NFATC2: variants seen among roughly 807,000 people sequenced by gnomAD.
The protein encoded by NFATC2 is nuclear factor of activated T cells 2.
Under a neutral mutation model 87.3 loss-of-function variants are expected in NFATC2, and 22 were observed. That is an observed-to-expected ratio of 0.25 (90% confidence interval 0.18 to 0.36). The LOEUF is 0.36. Ranked by LOEUF, NFATC2 falls within the 10% of genes least tolerant of loss-of-function variation. The pLI, the probability that NFATC2 is intolerant of heterozygous loss-of-function variation, is 1.00. For missense variants in NFATC2, 1,149 were observed against 1,259.1 expected, an observed-to-expected ratio of 0.91 and a Z score of 1.32; for synonymous variants, 565 against 542.2, an observed-to-expected ratio of 1.04 and a Z score of -0.58.
At chr20:51,557,153 G>A (rs2059929798) in intron 1 of NFATC2, among the ~76,000 whole-genome samples, 1 of 152,140 alleles carries the variant, frequency 6.6e-6, no homozygotes, top group Non-Finnish European at 1.5e-5. Context: ...CTAAAAGGAG[G>A]GTCCTACTCT....
chr20:51,466,508 A>T (rs1987701146), intron 5 of NFATC2, among the ~76,000 whole-genome samples: 1 of 151,692 alleles, frequency 6.6e-6, no homozygotes, highest in South Asian at 2.1e-4. Flanking sequence ...TTTCAGGAAA[A>T]AAAAAGGCAT....
At chr20:51,481,332 G>A (rs1471638475) in intron 3 of NFATC2, among the ~76,000 whole-genome samples, 4 of 151,702 alleles carry the variant, frequency 2.6e-5, no homozygotes, top group South Asian at 4.2e-4. Context: ...CGGTCAGGAG[G>A]CTTTGGGGCG....
chr20:51,467,826 G>C (rs1987837466), intron 5 of NFATC2, among the ~76,000 whole-genome samples: 1 of 152,258 alleles, frequency 6.6e-6, no homozygotes, highest in East Asian at 1.9e-4. Flanking sequence ...ATTTACCCAA[G>C]AGAAATGAAA....
At chr20:51,510,467 C>T (rs181146733) in intron 3 of NFATC2, among the ~76,000 whole-genome samples, 5 of 152,324 alleles carry the variant, frequency 3.3e-5, no homozygotes, top group African/African-American at 1.2e-4. Flanking sequence ...CAGGGCTCCA[C>T]CAAAAGCGTG....
At chr20:51,557,355 C>G (rs1020658334) in intron 1 of NFATC2, among the ~76,000 whole-genome samples, 4 of 152,148 alleles carry the variant, frequency 2.6e-5, no homozygotes, top group African/African-American at 9.7e-5. Context: ...AGGGCTGCGA[C>G]CCTGGTGAGT....
At chr20:51,468,797 C>T (rs183878195) in intron 5 of NFATC2, among the ~76,000 whole-genome samples, 14 of 152,342 alleles carry the variant, frequency 9.2e-5, no homozygotes, top group South Asian at 8.3e-4. Context: ...CACCCCGTAC[C>T]GTGTGGGGTC....
At chr20:51,401,051 C>T (rs1464656039) in intron 9 of NFATC2, among the ~76,000 whole-genome samples, 1 of 152,136 alleles carries the variant, frequency 6.6e-6, no homozygotes, top group Non-Finnish European at 1.5e-5. Context: ...AGAACACTTC[C>T]TTGGCAAAGT....
chr20:51,413,438 A>G (rs1048827916), intron 9 of NFATC2, among the ~76,000 whole-genome samples: 2 of 152,110 alleles, frequency 1.3e-5, no homozygotes, highest in African/African-American at 4.8e-5. Context: ...TGAACTCCCA[A>G]AGAAACATAT....
At chr20:51,398,802 A>T (rs1485445685) in intron 9 of NFATC2, 72 bp from the exon 10 acceptor site, 1 of 1,044,346 alleles carries the variant, frequency 9.6e-7, no homozygotes, top group African/African-American at 1.6e-5. Flanking sequence ...TACGCTTCCA[A>T]CTCATGCCGA....
intron 1 of NFATC2, among the ~76,000 whole-genome samples, chr20:51,558,215 C>T (rs1249893942): frequency 2.6e-5 from 4 of 152,104 alleles, no homozygotes; most frequent in African/African-American, 9.6e-5. Context: ...GGTGGTGCAC[C>T]CCTCCAGTCC....
chr20:51,528,085 C>CAAA (rs56201141), intron 1 of NFATC2, among the ~76,000 whole-genome samples: 1 of 94,246 alleles, frequency 1.1e-5, no homozygotes. Flanking sequence ...GAACCTGTCC[C>CAAA]AAAAAAAAAA....
At chr20:51,401,626 TCCTC>T (rs1988057102) in intron 9 of NFATC2, among the ~76,000 whole-genome samples, 1 of 152,134 alleles carries the variant, frequency 6.6e-6, no homozygotes, top group Non-Finnish European at 1.5e-5. Flanking sequence ...CATCTACAAA[TCCTC>T]CCAAAGACAC....
At chr20:51,561,233 A>G (rs1450092918) in intron 1 of NFATC2, among the ~76,000 whole-genome samples, 1 of 151,900 alleles carries the variant, frequency 6.6e-6, no homozygotes, top group Non-Finnish European at 1.5e-5. Flanking sequence ...TGCTTTCAAA[A>G]GCGCAGCTCA....
intron 1 of NFATC2, among the ~76,000 whole-genome samples, chr20:51,561,761 C>T (rs2077035364): frequency 6.6e-6 from 1 of 152,138 alleles, no homozygotes; most frequent in Non-Finnish European, 1.5e-5. Context: ...AAACACAACG[C>T]TTTGCCCATT....
chr20:51,562,214 G>A lies in NFATC2; in HGVS notation c.70+346C>T, dbSNP rs1220525951. On this transcript the variant is annotated intron_variant, in intron 1 of 10. Coordinates refer to the NFATC2 transcript ENST00000414705. This position sits in a 1 kb window ranked among gnomAD's most constrained non-coding sequence, Gnocchi z 5.8. Reference sequence around the variant, plus strand: ...TATGGCATTTGCTGTCAAAAGCCGAGTGCTGAAACGGTTAAACAGCCAGCG... The same window carrying A: ...TATGGCATTTGCTGTCAAAAGCCGAATGCTGAAACGGTTAAACAGCCAGCG... Among the ~76,000 whole-genome samples, 1 of 152,220 alleles carries A rather than the reference G, an allele frequency of 6.6e-6. No homozygotes were observed. The highest frequency in any genetic ancestry group is 1.5e-5 in the Non-Finnish European group (1 of 68,030).
intron 3 of NFATC2, among the ~76,000 whole-genome samples, chr20:51,494,901 C>T (rs537567679): frequency 3.3e-5 from 5 of 152,090 alleles, no homozygotes; most frequent in Non-Finnish European, 5.9e-5. Flanking sequence ...CTGTCCTGAA[C>T]GTGACTGCCA....
At chr20:51,505,107 G>C (rs146892323) in intron 3 of NFATC2, among the ~76,000 whole-genome samples, 1 of 137,830 alleles carries the variant, frequency 7.3e-6, no homozygotes, top group East Asian at 2.2e-4. Flanking sequence ...TCCACCTCCC[G>C]GGTTCACACC....
chr20:51,558,302 A>G (rs573088960), intron 1 of NFATC2, among the ~76,000 whole-genome samples: 2 of 152,306 alleles, frequency 1.3e-5, no homozygotes, highest in South Asian at 4.1e-4. Context: ...TGATCACACC[A>G]CTGCACTTCA....
chr20:51,429,636 G>T (rs1982391061), intron 9 of NFATC2, among the ~76,000 whole-genome samples: 1 of 152,254 alleles, frequency 6.6e-6, no homozygotes. Context: ...AGCGTGCGAT[G>T]CGCTCTCCTT....
Sources: gnomAD v4.1 joint callset for allele counts (sites outside exome capture counted in the v4.1 genomes callset) on GRCh38, gnomAD v4.1.1 for gene constraint, Gnocchi (gnomAD v3.1) non-coding constraint, MANE v1.5 for transcripts, NCBI Gene and HGNC (gene_info 2026-07-23, HGNC 2026-07-21) for gene names.